The following TTC7B variants were observed in gnomAD, a reference collection of about 807,000 sequenced individuals.
TTC7B encodes tetratricopeptide repeat domain 7B.
Under a neutral mutation model 106.8 loss-of-function variants are expected in TTC7B, and 28 were observed. The ratio of observed to expected loss-of-function variants is 0.26; its 90% CI spans 0.19 to 0.36. The LOEUF (loss-of-function observed/expected upper bound fraction) is 0.36. TTC7B is among the 10% of genes least tolerant of loss of function. The pLI is 1.00. For synonymous variants in TTC7B, 405 were observed against 430.6 expected (o/e 0.94, Z 0.74); for missense variants, 862 against 1,076.4 (o/e 0.80, Z 2.79).
At chr14:90,744,703 T>C in intron 4 of TTC7B, 89 bp downstream of exon 4, 1 of 1,407,644 alleles carries the variant, frequency 7.1e-7, no homozygotes, top group Non-Finnish European at 9.8e-7. Context: ...GACAGACAAG[T>C]TGAAAGCTTC....
rs1889491785 is a variant in TTC7B at position 90,539,115 on chromosome 14, G to A, written c.*2253C>T. On this transcript the variant is annotated 3_prime_UTR_variant, in exon 20 of 20. Transcript: ENST00000328459. ...AGTCACTGATACTGGGGAGCTGGAG[G>A]GCTCTGGTTGTTAAGGCTGGGCCCA... 1 of 152,244 alleles carries A rather than the reference G, an allele frequency of 6.6e-6. No individual in the cohort carries two copies. The highest frequency in any genetic ancestry group is 6.5e-5 in the Admixed American group (1 of 15,274). The allele number at this position is 152,244 out of a possible 1,614,324, so 9.4% of individuals were successfully genotyped here. A position where few individuals can be genotyped will look rare whatever the true frequency, so the allele number is the denominator to read the frequency against.
At chr14:90,604,845 G>A (rs1351804243) in intron 17 of TTC7B, among the ~76,000 whole-genome samples, 1 of 152,130 alleles carries the variant, frequency 6.6e-6, no homozygotes, top group African/African-American at 2.4e-5. Context: ...CCCTAAAGCC[G>A]ACTTTCAAAA....
At chr14:90,729,376 C>A (rs1889237894) in intron 5 of TTC7B, among the ~76,000 whole-genome samples, 1 of 152,140 alleles carries the variant, frequency 6.6e-6, no homozygotes, top group Non-Finnish European at 1.5e-5. Flanking sequence ...GGGGAACGGG[C>A]CTCTAGGGGC....
rs540095647 is a variant in TTC7B at position 90,612,099 on chromosome 14, G to T, written c.1869-1260C>A. On this transcript the variant is annotated intron_variant, in intron 16 of 19. Coordinates refer to ENST00000328459, the MANE Select transcript of TTC7B (RefSeq NM_001010854.2). ...ACAGGCTGCAATTTCCACGTCCAGC[G>T]ATTTCTCTAACTACATTAGAGAAAT... Among the ~76,000 whole-genome samples the T allele has an allele frequency of 2.0e-5, 3 of 152,240 alleles. No individual in the cohort carries two copies. The South Asian group carries it at 6.2e-4, about 32-fold the overall frequency.
At chr14:90,611,045 G>A (rs1450393620) in intron 16 of TTC7B, among the ~76,000 whole-genome samples, 1 of 152,110 alleles carries the variant, frequency 6.6e-6, no homozygotes, top group African/African-American at 2.4e-5. Flanking sequence ...CACAAACAGG[G>A]CATAAACCAC....
chr14:90,551,227 G>C (rs1165132821), intron 19 of TTC7B, among the ~76,000 whole-genome samples: 1 of 152,174 alleles, frequency 6.6e-6, no homozygotes, highest in Non-Finnish European at 1.5e-5. Flanking sequence ...GCTCCTGAAG[G>C]GCTGAGTCTG....
intron 19 of TTC7B, among the ~76,000 whole-genome samples, chr14:90,547,825 T>C (rs1457437434): frequency 6.6e-6 from 1 of 151,980 alleles, no homozygotes; most frequent in East Asian, 1.9e-4. Flanking sequence ...GACATCCCCA[T>C]GGCACTCTGC....
chr14:90,544,458 TG>T (rs1162193249), intron 19 of TTC7B, among the ~76,000 whole-genome samples: 2 of 152,158 alleles, frequency 1.3e-5, no homozygotes, highest in Non-Finnish European at 2.9e-5. Flanking sequence ...GGAGTCCAGC[TG>T]CGGGTGGCAA....
intron 3 of TTC7B, among the ~76,000 whole-genome samples, chr14:90,755,248 C>G (rs1890253050): frequency 6.6e-6 from 1 of 152,132 alleles, no homozygotes; most frequent in African/African-American, 2.4e-5. Flanking sequence ...AGACATATAC[C>G]TAGGGTGGAC....
chr14:90,691,893 A>G (rs568190235), intron 6 of TTC7B, among the ~76,000 whole-genome samples: 1 of 152,312 alleles, frequency 6.6e-6, no homozygotes, highest in East Asian at 1.9e-4. Context: ...AGACTCTGGG[A>G]ACAACCAACA....
intron 9 of TTC7B, among the ~76,000 whole-genome samples, chr14:90,660,414 A>AG (rs1467374601): frequency 1.3e-5 from 2 of 150,106 alleles, no homozygotes; most frequent in African/African-American, 4.9e-5. Context: ...AAAAAAAAAA[A>AG]AAAAAAAGAA....
chr14:90,579,665 G>T (rs1891407593), intron 18 of TTC7B, among the ~76,000 whole-genome samples: 1 of 152,142 alleles, frequency 6.6e-6, no homozygotes, highest in South Asian at 2.1e-4. Flanking sequence ...CGGGCGTGGT[G>T]TTGCACACCT....
At position 90,608,908 on chromosome 14, in the gene TTC7B, C is replaced by A. The variant is rs1012142375; in HGVS notation, c.1966+1834G>T. ...GGGGTCTGAATTTAGTGTGGCTGTT[C>A]TCACAGGATACTTAGGAGGGAGAAA... is the stretch of plus-strand genomic sequence containing the variant. On this transcript the variant is annotated intron_variant, in intron 17 of 19. Coordinates refer to ENST00000328459, the MANE Select transcript of TTC7B (RefSeq NM_001010854.2). The surrounding 1 kb of genome is among the most constrained non-coding windows in gnomAD (Gnocchi z 5.1). Among the ~76,000 whole-genome samples the A allele has an allele frequency of 6.6e-6, 1 of 152,226 alleles. No homozygotes were observed.
At chr14:90,611,798 A>C (rs1892887264) in intron 16 of TTC7B, among the ~76,000 whole-genome samples, 1 of 152,106 alleles carries the variant, frequency 6.6e-6, no homozygotes, top group African/African-American at 2.4e-5. Flanking sequence ...TTCTTTTTTA[A>C]ATTCTAGGAG....
At chr14:90,810,510 T>G (rs1265245271) in intron 1 of TTC7B, among the ~76,000 whole-genome samples, 2 of 152,250 alleles carry the variant, frequency 1.3e-5, no homozygotes, top group African/African-American at 4.8e-5. Flanking sequence ...TCTCTGGCAC[T>G]GTTTTGTCAT....
intron 5 of TTC7B, among the ~76,000 whole-genome samples, chr14:90,709,659 A>G (rs892063706): frequency 2.0e-5 from 3 of 152,104 alleles, no homozygotes; most frequent in Admixed American, 1.3e-4. Context: ...CACATTGTGC[A>G]CATGTACCCT....
At chr14:90,572,323 G>A (rs956486035) in intron 19 of TTC7B, among the ~76,000 whole-genome samples, 1 of 150,462 alleles carries the variant, frequency 6.6e-6, no homozygotes, top group African/African-American at 2.5e-5. Context: ...AGTCAGCAGT[G>A]TCGTTAGTCA....
chr14:90,645,459 T>C (rs766448262), intron 14 of TTC7B, among the ~76,000 whole-genome samples: 1 of 152,096 alleles, frequency 6.6e-6, no homozygotes, highest in African/African-American at 2.4e-5. Context: ...AAGAGAGTGA[T>C]TCCTGTCCAT....
intron 3 of TTC7B, among the ~76,000 whole-genome samples, chr14:90,747,761 C>T (rs1890014323): frequency 6.6e-6 from 1 of 152,136 alleles, no homozygotes; most frequent in Admixed American, 6.6e-5. Flanking sequence ...TTGCCTATTT[C>T]TCCTTGAAGT....
Sources: allele counts gnomAD v4.1 joint callset (sites outside exome capture counted in the v4.1 genomes callset), GRCh38; gene constraint gnomAD v4.1.1; non-coding constraint Gnocchi (gnomAD v3.1); transcripts MANE v1.5; gene names NCBI Gene and HGNC (gene_info 2026-07-23, HGNC 2026-07-21).